TENM3: variants seen among roughly 807,000 people sequenced by gnomAD.
TENM3 encodes the protein teneurin-3.
A neutral mutation model predicts 255.1 loss-of-function variants in TENM3; 63 were observed. The ratio of observed to expected loss-of-function variants is 0.25; its 90% CI spans 0.20 to 0.30. The LOEUF (loss-of-function observed/expected upper bound fraction) is 0.30. TENM3 is among the 10% of genes least tolerant of loss of function. TENM3 has a pLI of 1.00. For missense variants in TENM3, 2,929 were observed against 3,461.1 expected, an observed-to-expected ratio of 0.85 and a Z score of 3.86; for synonymous variants, 1,306 against 1,322.3, an observed-to-expected ratio of 0.99 and a Z score of 0.27.
chr4:182,208,276 T>G (rs1178971238), intron 1 of TENM3, among the ~76,000 whole-genome samples: 1 of 152,194 alleles, frequency 6.6e-6, no homozygotes, highest in African/African-American at 2.4e-5. Context: ...TGAATGTACC[T>G]TAACACGTCA....
At chr4:182,210,756 A>G (rs116179756) in intron 1 of TENM3, among the ~76,000 whole-genome samples, 111 of 151,836 alleles carry the variant, frequency 7.3e-4, no homozygotes, top group Non-Finnish European at 1.4e-3. Flanking sequence ...CTGATCTCCA[A>G]ACTGCACTCT....
chr4:181,675,678 G>A, the TENM3 span, among the ~76,000 whole-genome samples: 6 of 152,160 alleles, frequency 3.9e-5, no homozygotes, highest in Admixed American at 3.9e-4. Context: ...GTGGCCATCG[G>A]GTAGAAAGCC....
chr4:182,535,221 G>T (rs1740183302), intron 3 of TENM3, among the ~76,000 whole-genome samples: 1 of 152,098 alleles, frequency 6.6e-6, no homozygotes, highest in Non-Finnish European at 1.5e-5. Context: ...TCTTTCCTAT[G>T]GAAAATAAAT....
At chr4:182,323,479 C>G (rs1763186402) in intron 1 of TENM3, among the ~76,000 whole-genome samples, 1 of 149,026 alleles carries the variant, frequency 6.7e-6, no homozygotes, top group African/African-American at 2.5e-5. Flanking sequence ...AAGAATTTCC[C>G]AATTTGTTCC....
the TENM3 span, among the ~76,000 whole-genome samples, chr4:181,470,923 A>G: frequency 6.6e-6 from 1 of 152,156 alleles, no homozygotes; most frequent in Non-Finnish European, 1.5e-5. Flanking sequence ...TGTCCCAGTT[A>G]CTACCTTACC....
chr4:181,725,732 G>C, the TENM3 span, among the ~76,000 whole-genome samples: 1 of 151,996 alleles, frequency 6.6e-6, no homozygotes, highest in Non-Finnish European at 1.5e-5. Flanking sequence ...GTGAACCACC[G>C]CACCCAGCCT....
chr4:182,751,774 A>G lies in TENM3; in HGVS notation c.3630-26A>G, dbSNP rs755656255. The G allele has an allele frequency of 2.6e-6, 4 of 1,544,888 alleles. No individual in the cohort carries two copies. The African/African-American group carries it at 5.4e-5, about 21-fold the overall frequency. The stretch of plus-strand genomic sequence containing the variant: ...TGTGTATTAGGAGTAACTCCCTTTG[A>G]TGTTTATCTATGATCCTTTTCACAG... On this transcript the variant is annotated intron_variant, in intron 19 of 27. Transcript: ENST00000511685.
At chr4:181,555,663 C>A in the TENM3 span, among the ~76,000 whole-genome samples, 2 of 152,140 alleles carry the variant, frequency 1.3e-5, no homozygotes, top group Non-Finnish European at 2.9e-5. Context: ...AGGTTGCAGT[C>A]CAGTGAAGAT....
At chr4:181,931,800 T>C in the TENM3 span, among the ~76,000 whole-genome samples, 3 of 152,292 alleles carry the variant, frequency 2.0e-5, no homozygotes, top group African/African-American at 7.2e-5. Context: ...AACAGCATGG[T>C]ACTGATACCA....
At chr4:181,993,069 G>T in the TENM3 span, among the ~76,000 whole-genome samples, 4 of 152,172 alleles carry the variant, frequency 2.6e-5, no homozygotes, top group South Asian at 2.1e-4. Context: ...AGACATAATT[G>T]CCTGTAAGGA....
the TENM3 span, among the ~76,000 whole-genome samples, chr4:181,592,431 G>A: frequency 6.6e-6 from 1 of 150,822 alleles, no homozygotes; most frequent in Admixed American, 6.6e-5. Context: ...CTAGACTTGA[G>A]AAGCTGTGCA....
At chr4:182,525,832 G>T (rs1377592897) in intron 3 of TENM3, among the ~76,000 whole-genome samples, 2 of 152,176 alleles carry the variant, frequency 1.3e-5, no homozygotes, top group East Asian at 3.8e-4. Flanking sequence ...AAGACATTCT[G>T]ATAAGTAATA....
chr4:182,554,732 T>C (rs1408190902), intron 3 of TENM3, among the ~76,000 whole-genome samples: 1 of 152,088 alleles, frequency 6.6e-6, no homozygotes, highest in African/African-American at 2.4e-5. Flanking sequence ...TTAAAAGTCA[T>C]AGAGAAAAAA....
intron 1 of TENM3, among the ~76,000 whole-genome samples, chr4:182,206,399 A>G (rs577881371): frequency 6.6e-6 from 1 of 152,306 alleles, no homozygotes; most frequent in Non-Finnish European, 1.5e-5. Flanking sequence ...CATCTCAAGG[A>G]GTCTGTTATG....
intron 3 of TENM3, among the ~76,000 whole-genome samples, chr4:182,396,524 TG>T (rs961265814): frequency 6.6e-6 from 1 of 152,246 alleles, no homozygotes; most frequent in African/African-American, 2.4e-5. Flanking sequence ...ATTATCATTA[TG>T]GTGCACTTCT....
At chr4:182,494,713 T>C (rs1428975028) in intron 3 of TENM3, among the ~76,000 whole-genome samples, 1 of 152,222 alleles carries the variant, frequency 6.6e-6, no homozygotes, top group African/African-American at 2.4e-5. Context: ...TGTCATTTAT[T>C]AAGACCAGTC....
chr4:182,481,472 AT>A (rs36067072), intron 3 of TENM3, among the ~76,000 whole-genome samples: 1 of 151,920 alleles, frequency 6.6e-6, no homozygotes, highest in South Asian at 2.1e-4. Flanking sequence ...TTACGTTGAG[AT>A]TTTTTTAAAA....
At chr4:181,447,967 T>C in the TENM3 span, among the ~76,000 whole-genome samples, 1 of 152,046 alleles carries the variant, frequency 6.6e-6, no homozygotes, top group African/African-American at 2.4e-5. Flanking sequence ...TACATCTTGC[T>C]GTCTCTGTCT....
At chr4:182,299,942 G>A (rs1318379744) in intron 1 of TENM3, among the ~76,000 whole-genome samples, 1 of 150,158 alleles carries the variant, frequency 6.7e-6, no homozygotes, top group Non-Finnish European at 1.5e-5. Flanking sequence ...TTGAGATGGA[G>A]TCCCACTCTG....
Sources: allele counts gnomAD v4.1 joint callset (sites outside exome capture counted in the v4.1 genomes callset), GRCh38; gene constraint gnomAD v4.1.1; transcripts MANE v1.5; gene names NCBI Gene and HGNC (gene_info 2026-07-23, HGNC 2026-07-21).